The following RUVBL2 variants were observed in gnomAD, a reference collection of about 807,000 sequenced individuals.
RUVBL2 encodes the protein ruvB-like 2.
A neutral mutation model predicts 57.9 loss-of-function variants in RUVBL2; 9 were observed. The observed-to-expected ratio is 0.16, with a 90% confidence interval of 0.09 to 0.27. The LOEUF (loss-of-function observed/expected upper bound fraction) is 0.27. Ranked by LOEUF, RUVBL2 falls within the 10% of genes least tolerant of loss-of-function variation. RUVBL2 has a pLI of 1.00. For synonymous variants in RUVBL2, 278 were observed against 264.6 expected, an observed-to-expected ratio of 1.05 and a Z score of -0.49; for missense variants, 456 against 669.6, an observed-to-expected ratio of 0.68 and a Z score of 3.52.
At chr19:49,002,834 C>T (rs1182951530) in intron 2 of RUVBL2, among the ~76,000 whole-genome samples, 1 of 152,208 alleles carries the variant, frequency 6.6e-6, no homozygotes, top group East Asian at 1.9e-4. Context: ...ATCCGCCCGC[C>T]TCGGCCTCCC....
intron 2 of RUVBL2, among the ~76,000 whole-genome samples, 181 bp downstream of exon 2, chr19:48,999,554 G>T (rs2039135653): frequency 6.6e-6 from 1 of 152,144 alleles, no homozygotes; most frequent in Non-Finnish European, 1.5e-5. Context: ...TCCAGAGTTG[G>T]GTCAGATGAT....
Position 49,011,475 on chromosome 19 carries a change from C to A in RUVBL2, c.1001+165C>A, listed in dbSNP as rs951775634. Among the ~76,000 whole-genome samples the A allele has an allele frequency of 4.5e-4, 69 of 152,266 alleles. No homozygotes were observed. The highest frequency in any genetic ancestry group is 1.6e-3 in the African/African-American group (66 of 41,556). ...GCGGGTGGGAGGCAGCTCTGCTTCC[C>A]GAGGAAGCCCAGAGACTGTGTTCTT... On this transcript the variant is annotated intron_variant, in intron 11 of 14. Coordinates refer to ENST00000595090, the MANE Select transcript of RUVBL2 (RefSeq NM_006666.3). This position sits in a 1 kb window ranked among gnomAD's most constrained non-coding sequence, Gnocchi z 4.4.
chr19:49,006,764 T>C (rs1205483159), intron 4 of RUVBL2, among the ~76,000 whole-genome samples: 1 of 152,228 alleles, frequency 6.6e-6, no homozygotes, highest in Non-Finnish European at 1.5e-5. Flanking sequence ...CTCTGGGCAA[T>C]GTGGGATTCT....
chr19:49,013,769 C>T (rs1475706814), intron 11 of RUVBL2, among the ~76,000 whole-genome samples: 1 of 152,178 alleles, frequency 6.6e-6, no homozygotes, highest in Non-Finnish European at 1.5e-5. Context: ...AAAAAACTAG[C>T]TGGGCGTGAT....
upstream of RUVBL2, chr19:48,993,622 A>G: frequency 7.1e-6 from 4 of 560,278 alleles, no homozygotes; most frequent in Non-Finnish European, 1.3e-5. Context: ...GGTTACTCAA[A>G]GAACAGCTAA....
chr19:48,999,250 G>T, intron 1 of RUVBL2, 69 bp from the exon 2 acceptor site: 1 of 1,528,806 alleles, frequency 6.5e-7, no homozygotes, highest in South Asian at 1.1e-5. Flanking sequence ...TCTCATGGGA[G>T]GGACAGAGGA....
At chr19:49,005,385 C>T (rs2039262884) in intron 4 of RUVBL2, among the ~76,000 whole-genome samples, 1 of 152,178 alleles carries the variant, frequency 6.6e-6, no homozygotes, top group African/African-American at 2.4e-5. Context: ...GTCATGGACA[C>T]GATCCCTTCC....
At chr19:49,010,467 T>TGGCGCC in intron 8 of RUVBL2, 21 bp from the exon 9 acceptor site, 6 of 1,401,200 alleles carry the variant, frequency 4.3e-6, no homozygotes, top group African/African-American at 1.5e-5. Context: ...CCGCCGTTCT[T>TGGCGCC]CCCCCACCCC....
At chr19:49,006,018 C>G (rs992097989) in intron 4 of RUVBL2, among the ~76,000 whole-genome samples, 1 of 152,254 alleles carries the variant, frequency 6.6e-6, no homozygotes, top group African/African-American at 2.4e-5. Context: ...AGGCCAAACC[C>G]TGTGCTGGGC....
At position 49,009,799 on chromosome 19, in the gene RUVBL2, C is replaced by T; in HGVS notation, c.486C>T (p.Thr162=). Residue 162 remains threonine, a synonymous_variant, in exon 7 of 15, where the codon ACC becomes ACT. Transcript: ENST00000595090. Reference sequence around the variant, plus strand: ...AGGGCTCCAAGGTGGGCAAACTGACCCTCAAGACCACAGAGATGGAGACCA... The same window carrying T: ...AGGGCTCCAAGGTGGGCAAACTGACTCTCAAGACCACAGAGATGGAGACCA... The part of the protein sequence containing the change: ...TGTGSKVGKL[T]LKTTEMETIY... 1.2e-6 allele frequency: 2 copies of T among 1,614,038 alleles called. No homozygotes were observed. The highest frequency in any genetic ancestry group is 4.5e-5 in the East Asian group (2 of 44,874).
Position 49,007,367 on chromosome 19 carries a change from C to T in RUVBL2, c.461C>T (p.Thr154Met), listed in dbSNP as rs781669198. 3.7e-6 allele frequency: 6 copies of T among 1,613,764 alleles called. No individual in the cohort carries two copies. Among genetic ancestry groups the T allele is most frequent in the Admixed American group, 3.3e-5 (2 of 59,964 alleles). The change falls in exon 6 of 15, where the codon ACG (threonine) becomes ATG (methionine). Residue 154 changes from threonine (T) to methionine (M), a missense_variant and splice_region_variant. Coordinates refer to ENST00000595090, the MANE Select transcript of RUVBL2 (RefSeq NM_006666.3). ...EIQIDRPATG[T>M]GSKVGKLTLK... ...CAGATTGATCGACCAGCAACAGGGA[C>T]GGTGAGTCTGTGTGAGTCTGTACCC...
intron 11 of RUVBL2, among the ~76,000 whole-genome samples, chr19:49,013,203 C>T (rs1190000939): frequency 2.0e-5 from 3 of 151,856 alleles, no homozygotes; most frequent in Admixed American, 2.0e-4. Context: ...ACCTCGTGAT[C>T]TGCCCACCTC....
chr19:49,000,719 G>C (rs551808412), intron 2 of RUVBL2, among the ~76,000 whole-genome samples: 1 of 152,152 alleles, frequency 6.6e-6, no homozygotes, highest in East Asian at 1.9e-4. Flanking sequence ...ACAAAAATTA[G>C]CCAGGCATGG....
At position 48,999,358 on chromosome 19, in the gene RUVBL2, A is replaced by G; in HGVS notation, c.52A>G (p.Arg18Gly). ...AGTCCCGGAGATCCGTGATGTAACA[A>G]GGATTGAGCGAATCGGTGAGTGAGT... is the stretch of plus-strand genomic sequence containing the variant. ...TKVPEIRDVTRIERIGAHSHI... is the reference protein window; with the variant it reads ...TKVPEIRDVTGIERIGAHSHI... The change falls in exon 2 of 15, where the codon AGG becomes GGG. Residue 18 changes from arginine to glycine, a missense_variant. This residue lies in a region of RUVBL2 where 22 missense variants were observed against 23.9 expected (regional missense o/e 0.92). Coordinates refer to ENST00000595090, the MANE Select transcript of RUVBL2 (RefSeq NM_006666.3). 6.2e-7 allele frequency: 1 copy of G among 1,614,220 alleles called. No individual in the cohort carries two copies.
chr19:48,995,986 CAA>C (rs562564350), intron 1 of RUVBL2, among the ~76,000 whole-genome samples: 24 of 83,646 alleles, frequency 2.9e-4, no homozygotes, highest in Non-Finnish European at 3.0e-4. Flanking sequence ...GGCTGTGTCT[CAA>C]AAAAAAAAAA....
At chr19:49,004,752 C>G (rs547858694) in intron 4 of RUVBL2, among the ~76,000 whole-genome samples, 4 of 152,180 alleles carry the variant, frequency 2.6e-5, no homozygotes, top group African/African-American at 9.6e-5. Flanking sequence ...AGGATGAACC[C>G]CCTCGAGTTG....
intron 1 of RUVBL2, among the ~76,000 whole-genome samples, chr19:48,995,142 A>G (rs1247387348): frequency 3.9e-5 from 6 of 151,928 alleles, no homozygotes; most frequent in Non-Finnish European, 7.4e-5. Flanking sequence ...TACCGTGGAG[A>G]AAGTATTGGA....
Position 49,015,662 on chromosome 19 carries a change from G to A in RUVBL2, c.1342G>A (p.Asp448Asn), listed in dbSNP as rs1279292688. Residue 448 changes from aspartate (D) to asparagine (N), a missense_variant, in exon 14 of 15, where the codon GAC becomes AAC. Around this residue, in one of 5 missense-constraint regions of RUVBL2, gnomAD observed 67 missense variants for 71.5 expected, o/e 0.94. Transcript: ENST00000595090. Reference protein sequence around the residue: ...RSTQYMKEYQDAFLFNELKGE... With the variant: ...RSTQYMKEYQNAFLFNELKGE... Reference sequence around the variant, plus strand: ...CACGCAGTACATGAAGGAGTACCAGGACGCCTTCCTCTTCAACGAACTCAG... The same window carrying A: ...CACGCAGTACATGAAGGAGTACCAGAACGCCTTCCTCTTCAACGAACTCAG... The A allele has an allele frequency of 3.1e-6, 5 of 1,613,778 alleles. No individual in the cohort carries two copies. The highest frequency in any genetic ancestry group is 4.2e-6 in the Non-Finnish European group (5 of 1,179,828).
At chr19:48,995,373 G>A (rs563594650) in intron 1 of RUVBL2, among the ~76,000 whole-genome samples, 1 of 150,236 alleles carries the variant, frequency 6.7e-6, no homozygotes, top group Admixed American at 6.7e-5. Context: ...TTGTAGTCTG[G>A]GGGTAATGTT....
Sources: gnomAD v4.1 joint callset for allele counts (sites outside exome capture counted in the v4.1 genomes callset) on GRCh38, gnomAD v4.1.1 for gene constraint, gnomAD v4.1.1 regional missense constraint, Gnocchi (gnomAD v3.1) non-coding constraint, MANE v1.5 for transcripts, NCBI Gene and HGNC (gene_info 2026-07-23, HGNC 2026-07-21) for gene names.